RFX3: variants seen among roughly 807,000 people sequenced by gnomAD.
RFX3 encodes regulatory factor X3, also known as transcription factor RFX3.
Under a neutral mutation model 98.6 loss-of-function variants are expected in RFX3, and 14 were observed. That is an observed-to-expected ratio of 0.14 (90% confidence interval 0.09 to 0.22). The LOEUF (loss-of-function observed/expected upper bound fraction) is 0.22. RFX3 is among the 10% of genes least tolerant of loss of function. The pLI is 1.00. For missense variants in RFX3, 639 were observed against 926.9 expected (o/e 0.69, Z 4.03); for synonymous variants, 383 against 328.4 (o/e 1.17, Z -1.80).
chr9:3,357,409 T>A (rs1298488003), intron 2 of RFX3, among the ~76,000 whole-genome samples: 1 of 152,014 alleles, frequency 6.6e-6, no homozygotes, highest in Non-Finnish European at 1.5e-5. Flanking sequence ...CTTTTCTAAA[T>A]TTTTAAACAA....
rs138492804 is a variant in RFX3, at chr9:3,295,231, T to C, written c.550-1973A>G. On this transcript the variant is annotated intron_variant, in intron 5 of 16. Coordinates refer to ENST00000617270, the MANE Select transcript of RFX3 (RefSeq NM_001282116.2). ...CTTTAGTGTTTTTTTTTTAAGACTT[T>C]ATTAGTTTTAAGTATAGCTGAGGGA... Among the ~76,000 whole-genome samples the C allele has an allele frequency of 6.2e-3, 945 of 152,064 alleles. 3 individuals carry two copies. The highest frequency in any genetic ancestry group is 9.9e-3 in the Non-Finnish European group (673 of 67,940).
chr9:3,336,033 G>T (rs369943018), intron 3 of RFX3, among the ~76,000 whole-genome samples: 64 of 151,942 alleles, frequency 4.2e-4, no homozygotes, highest in African/African-American at 1.4e-3. Context: ...TCTTTATTTT[G>T]TATTTTACCA....
chr9:3,485,527 A>T (rs1192204206), intron 1 of RFX3, among the ~76,000 whole-genome samples: 2 of 152,140 alleles, frequency 1.3e-5, no homozygotes, highest in African/African-American at 4.8e-5. Context: ...TCATTCTAAC[A>T]TTGTTGACTA....
intron 4 of RFX3, among the ~76,000 whole-genome samples, chr9:3,329,975 T>C (rs1371861576): frequency 6.6e-6 from 1 of 152,190 alleles, no homozygotes; most frequent in African/African-American, 2.4e-5. Flanking sequence ...GATATTTTAC[T>C]GATGGAAGAC....
At chr9:3,358,176 G>A (rs1345205117) in intron 2 of RFX3, among the ~76,000 whole-genome samples, 4 of 152,080 alleles carry the variant, frequency 2.6e-5, no homozygotes, top group African/African-American at 9.7e-5. Context: ...TCTATCAAAA[G>A]GGTTACTGTG....
At chr9:3,324,046 C>A (rs560157492) in intron 4 of RFX3, 2 of 453,860 alleles carry the variant, frequency 4.4e-6, no homozygotes, top group Non-Finnish European at 9.3e-6. Flanking sequence ...AGGAAACAGA[C>A]GGTTCATGGT....
rs114740062 is a variant in RFX3, at chr9:3,365,656, T to A, written c.118-18892A>T. ...GAACTGCATTTTACTGATCCCAGTA[T>A]TCTGATAACAAAACTTATATATAAA... On this transcript the variant is annotated intron_variant, in intron 2 of 16. Coordinates refer to ENST00000617270, the MANE Select transcript of RFX3 (RefSeq NM_001282116.2). Among the ~76,000 whole-genome samples, 275 of 152,278 alleles carry A rather than the reference T, an allele frequency of 1.8e-3. 2 individuals are homozygous for A. Among genetic ancestry groups the A allele is most frequent in the African/African-American group, 6.4e-3 (267 of 41,572 alleles).
intron 1 of RFX3, among the ~76,000 whole-genome samples, chr9:3,497,347 A>C (rs1167689184): frequency 2.0e-5 from 3 of 152,014 alleles, no homozygotes; most frequent in Non-Finnish European, 4.4e-5. Context: ...AATGTTCTGA[A>C]AGTGATGCCC....
At chr9:3,386,637 G>GA (rs903865647) in intron 2 of RFX3, among the ~76,000 whole-genome samples, 7 of 152,008 alleles carry the variant, frequency 4.6e-5, no homozygotes, top group East Asian at 3.9e-4. Flanking sequence ...AGCCACGGAA[G>GA]AAAAAAGAGA....
At chr9:3,286,509 C>T (rs935257967) in intron 7 of RFX3, among the ~76,000 whole-genome samples, 1 of 151,770 alleles carries the variant, frequency 6.6e-6, no homozygotes, top group Admixed American at 6.6e-5. Flanking sequence ...GGTGCACTTA[C>T]ACTGGAAATT....
rs1563760028 is a variant in RFX3 at position 3,224,518 on chromosome 9, C to T, written c.*524G>A. ...ATAAAAATGCTCTGTATTCTCTCTC[C>T]ATACTCAAAATGTTATCAAAATAGT... On this transcript the variant is annotated 3_prime_UTR_variant, in exon 17 of 17. Coordinates refer to ENST00000617270, the MANE Select transcript of RFX3 (RefSeq NM_001282116.2). 3 of 154,826 alleles carry T rather than the reference C, an allele frequency of 1.9e-5. No homozygotes were observed. Among genetic ancestry groups the T allele is most frequent in the South Asian group, 3.9e-4 (2 of 5,088 alleles). The allele number at this position is 154,826 out of a possible 1,614,324, so 9.6% of individuals were successfully genotyped here.
intron 14 of RFX3, 94 bp from the exon 15 acceptor site, chr9:3,248,279 A>T: frequency 7.0e-7 from 1 of 1,433,676 alleles, no homozygotes; most frequent in Non-Finnish European, 9.2e-7. Flanking sequence ...TCAAGCTGGG[A>T]GTCTATATGG....
At chr9:3,422,126 G>A (rs1023852359) in intron 1 of RFX3, among the ~76,000 whole-genome samples, 18 of 152,162 alleles carry the variant, frequency 1.2e-4, no homozygotes, top group African/African-American at 3.9e-4. Flanking sequence ...AGAGGCTGGA[G>A]AACAAAACTG....
Position 3,244,855 on chromosome 9 carries a change from G to A in RFX3, c.1968+3177C>T, listed in dbSNP as rs113372181. Among the ~76,000 whole-genome samples the A allele has an allele frequency of 9.8e-3, 1,493 of 152,242 alleles. 16 individuals carry two copies. The highest frequency in any genetic ancestry group is 0.034 in the African/African-American group (1,412 of 41,558). ...CCCCCACTTGAAATCTAAGCTCCTC[G>A]AAGGCTGGGTAAAAATCCATTTTTT... On this transcript the variant is annotated intron_variant, in intron 15 of 16. Transcript: ENST00000617270.
At chr9:3,363,392 C>T (rs2131414946) in intron 2 of RFX3, among the ~76,000 whole-genome samples, 1 of 152,120 alleles carries the variant, frequency 6.6e-6, no homozygotes, top group East Asian at 1.9e-4. Flanking sequence ...GCTGTGAATA[C>T]ATAGATACAG....
chr9:3,291,475 C>T (rs1384292650), intron 6 of RFX3, among the ~76,000 whole-genome samples: 1 of 152,112 alleles, frequency 6.6e-6, no homozygotes, highest in African/African-American at 2.4e-5. Flanking sequence ...ACCATTAGAT[C>T]ATACCCCTAG....
At chr9:3,492,082 T>G (rs375300802) in intron 1 of RFX3, among the ~76,000 whole-genome samples, 16 of 152,278 alleles carry the variant, frequency 1.1e-4, no homozygotes, top group East Asian at 7.7e-4. Flanking sequence ...CCTTCAAAAT[T>G]TATTGAATCA....
intron 1 of RFX3, among the ~76,000 whole-genome samples, chr9:3,404,072 A>G (rs1841734286): frequency 6.6e-6 from 1 of 152,220 alleles, no homozygotes; most frequent in Non-Finnish European, 1.5e-5. Context: ...ATAATACTGT[A>G]TAATAACATT....
intron 1 of RFX3, among the ~76,000 whole-genome samples, chr9:3,457,319 G>C (rs763328903): frequency 1.3e-4 from 19 of 151,970 alleles, no homozygotes; most frequent in Non-Finnish European, 2.4e-4. Flanking sequence ...ATGGTTCAAA[G>C]ATTACCTAAC....
Sources: allele counts gnomAD v4.1 joint callset (sites outside exome capture counted in the v4.1 genomes callset), GRCh38; gene constraint gnomAD v4.1.1; transcripts MANE v1.5; gene names NCBI Gene and HGNC (gene_info 2026-07-23, HGNC 2026-07-21).